Variants in EPHB1 observed in about 807,000 individuals in gnomAD.
The protein encoded by EPHB1 is ephrin type-B receptor 1.
EPHB1 carries 30 observed loss-of-function variants against 94.4 expected under a neutral mutation model. The observed-to-expected ratio is 0.32, with a 90% confidence interval of 0.24 to 0.43. The LOEUF is 0.43. Ranked by LOEUF, EPHB1 falls within the 20% of genes least tolerant of loss-of-function variation. EPHB1 has a pLI of 1.00. For missense variants in EPHB1, 1,055 were observed against 1,308.3 expected (o/e 0.81, Z 2.99); for synonymous variants, 522 against 489.1 (o/e 1.07, Z -0.89).
chr3:135,123,752 G>T (rs1021625789), intron 4 of EPHB1, among the ~76,000 whole-genome samples: 2 of 148,146 alleles, frequency 1.4e-5, no homozygotes, highest in African/African-American at 5.3e-5. Context: ...TAGTGACATA[G>T]TATCTGTAAA....
intron 3 of EPHB1, among the ~76,000 whole-genome samples, chr3:134,984,852 G>C (rs928612617): frequency 6.6e-6 from 1 of 152,194 alleles, no homozygotes; most frequent in African/African-American, 2.4e-5. Flanking sequence ...GAGCCAGAGA[G>C]GAGGGTGTGA....
chr3:134,863,387 G>A (rs1036064089), intron 1 of EPHB1, among the ~76,000 whole-genome samples: 1 of 152,222 alleles, frequency 6.6e-6, no homozygotes, highest in African/African-American at 2.4e-5. Flanking sequence ...AACTGGCCAG[G>A]TGTGGTAGCT....
At chr3:135,030,473 A>G (rs971689684) in intron 3 of EPHB1, among the ~76,000 whole-genome samples, 14 of 152,060 alleles carry the variant, frequency 9.2e-5, no homozygotes, top group East Asian at 1.9e-4. Context: ...GTCTGTTGGA[A>G]TACCCTGCAG....
At chr3:134,893,674 G>A (rs2038031228) in intron 1 of EPHB1, among the ~76,000 whole-genome samples, 1 of 152,182 alleles carries the variant, frequency 6.6e-6, no homozygotes. Flanking sequence ...CAGCCTTGAG[G>A]CTGATTCTTC....
intron 3 of EPHB1, among the ~76,000 whole-genome samples, chr3:135,006,110 C>T (rs1187700232): frequency 6.6e-6 from 1 of 152,208 alleles, no homozygotes; most frequent in East Asian, 1.9e-4. Flanking sequence ...CTGAGGCCTC[C>T]CCAGCCATGT....
At chr3:135,042,820 C>T (rs989101395) in intron 3 of EPHB1, among the ~76,000 whole-genome samples, 1 of 152,110 alleles carries the variant, frequency 6.6e-6, no homozygotes, top group Non-Finnish European at 1.5e-5. Context: ...CTTCCTAAAA[C>T]ATGTATGTAT....
chr3:135,089,389 T>C (rs890535530), intron 3 of EPHB1, among the ~76,000 whole-genome samples: 3 of 152,246 alleles, frequency 2.0e-5, no homozygotes, highest in Non-Finnish European at 4.4e-5. Flanking sequence ...CTGAGTAACA[T>C]ACCTGGCCTG....
intron 1 of EPHB1, among the ~76,000 whole-genome samples, chr3:134,815,041 A>G (rs976690089): frequency 6.6e-6 from 1 of 152,216 alleles, no homozygotes; most frequent in African/African-American, 2.4e-5. Flanking sequence ...ATTTTGAGCA[A>G]TTTTTAAAAA....
At chr3:134,826,765 C>T (rs1322157522) in intron 1 of EPHB1, among the ~76,000 whole-genome samples, 1 of 152,130 alleles carries the variant, frequency 6.6e-6, no homozygotes, top group East Asian at 1.9e-4. Context: ...TTGTCCCGTT[C>T]CCGAGGGAAG....
intron 2 of EPHB1, among the ~76,000 whole-genome samples, chr3:134,948,049 C>T (rs2039246260): frequency 6.6e-6 from 1 of 152,194 alleles, no homozygotes; most frequent in South Asian, 2.1e-4. Context: ...CCACCTCACC[C>T]TTCCAAAGTG....
intron 3 of EPHB1, among the ~76,000 whole-genome samples, chr3:134,981,259 G>A (rs533977877): frequency 6.6e-6 from 1 of 152,326 alleles, no homozygotes; most frequent in South Asian, 2.1e-4. Context: ...GCACTGGTCA[G>A]CGGGGGCTAG....
chr3:134,871,104 A>C (rs531170493), intron 1 of EPHB1, among the ~76,000 whole-genome samples: 2 of 152,350 alleles, frequency 1.3e-5, no homozygotes, highest in South Asian at 4.1e-4. Flanking sequence ...TTAGAAAAGC[A>C]TAGGCTAGAG....
At chr3:134,857,929 TA>T (rs147104646) in intron 1 of EPHB1, among the ~76,000 whole-genome samples, 8,693 of 152,242 alleles carry the variant, frequency 0.057, 266 homozygotes, top group South Asian at 0.11. Context: ...GGTTTACACA[TA>T]AGTCTTTGTG....
At chr3:134,944,765 A>AT (rs2039183942) in intron 2 of EPHB1, among the ~76,000 whole-genome samples, 1 of 119,086 alleles carries the variant, frequency 8.4e-6, no homozygotes, top group Non-Finnish European at 1.8e-5. Context: ...TTTCACGTAG[A>AT]TAAAAGTCAG....
At chr3:135,052,961 G>GTATA (rs1462492515) in intron 3 of EPHB1, among the ~76,000 whole-genome samples, 1 of 109,506 alleles carries the variant, frequency 9.1e-6, no homozygotes, top group Admixed American at 1.1e-4. Context: ...ATATATGTGT[G>GTATA]TATATATATG....
chr3:134,830,850 T>C (rs185189593), intron 1 of EPHB1, among the ~76,000 whole-genome samples: 21 of 152,260 alleles, frequency 1.4e-4, no homozygotes, highest in Admixed American at 1.1e-3. Flanking sequence ...TCTGACATCT[T>C]TGTCCTCGAT....
intron 9 of EPHB1, among the ~76,000 whole-genome samples, chr3:135,167,744 G>T (rs565214194): frequency 6.6e-6 from 1 of 152,260 alleles, no homozygotes. Flanking sequence ...GACACATTCT[G>T]TTTCTAAATA....
chr3:134,958,449 T>TGTGA (rs1663150929), intron 3 of EPHB1, among the ~76,000 whole-genome samples: 1 of 146,088 alleles, frequency 6.8e-6, no homozygotes, highest in African/African-American at 2.6e-5. Flanking sequence ...TGTGTGTGTG[T>TGTGA]GAGGCCTCAG....
At chr3:134,813,001 A>C (rs754511192) in intron 1 of EPHB1, among the ~76,000 whole-genome samples, 4 of 152,124 alleles carry the variant, frequency 2.6e-5, no homozygotes, top group Non-Finnish European at 5.9e-5. Context: ...GACCCCACTC[A>C]CACTATTTCC....
Sources: allele counts gnomAD v4.1 joint callset (sites outside exome capture counted in the v4.1 genomes callset), GRCh38; gene constraint gnomAD v4.1.1; transcripts MANE v1.5; gene names NCBI Gene and HGNC (gene_info 2026-07-23, HGNC 2026-07-21).